Variants in PLEC observed in about 807,000 individuals in gnomAD.
PLEC encodes hemidesmosomal protein 1.
In PLEC, 216 loss-of-function variants were observed where a neutral mutation model predicts 392.8. The ratio of observed to expected loss-of-function variants is 0.55; its 90% CI spans 0.49 to 0.62. The LOEUF is 0.62. PLEC is among the 20% of genes least tolerant of loss of function. PLEC has a pLI of 0.00. For synonymous variants in PLEC, 3,621 were observed against 2,980.6 expected (o/e 1.21, Z -7.00); for missense variants, 6,863 against 6,563.4 (o/e 1.05, Z -1.58).
chr8:143,919,894 A>G lies in PLEC; in HGVS notation c.9927T>C (p.Arg3309=). ...RQERLSFSGL[R]APVPASELLA... ...GGAGCTCGCTGGCTGGCACAGGGGC[A>G]CGGAGGCCGCTGAAGGACAGCCTCT... Residue 3309 remains arginine, a synonymous_variant, in exon 32 of 32, where the codon CGT becomes CGC. Coordinates refer to ENST00000345136, the MANE Select transcript of PLEC (RefSeq NM_201384.3). 6.2e-7 allele frequency: 1 copy of G among 1,613,096 alleles called. No homozygotes were observed. Among genetic ancestry groups the G allele is most frequent in the Non-Finnish European group, 8.5e-7 (1 of 1,179,990 alleles).
Position 143,924,040 on chromosome 8 carries a change from C to A in PLEC, c.5889G>T (p.Glu1963Asp), listed in dbSNP as rs1554695410. 1.3e-6 allele frequency: 2 copies of A among 1,595,654 alleles called. No homozygotes were observed. The highest frequency in any genetic ancestry group is 1.7e-6 in the Non-Finnish European group (2 of 1,178,044). ...SNAEDTLRSK[E>D]QAELEAARQR... Reference sequence around the variant, plus strand: ...GCCTCGCAGCCTCCAGCTCGGCCTGCTCCTTGCTGCGCAGCGTGTCCTCCG... The same window carrying A: ...GCCTCGCAGCCTCCAGCTCGGCCTGATCCTTGCTGCGCAGCGTGTCCTCCG... The change falls in exon 31 of 32, where the codon GAG becomes GAT. Residue 1963 changes from glutamate to aspartate, a missense_variant. Coordinates refer to ENST00000345136, the MANE Select transcript of PLEC (RefSeq NM_201384.3).
chr8:143,936,702 G>A (rs1205027697), intron 5 of PLEC, among the ~76,000 whole-genome samples: 3 of 152,320 alleles, frequency 2.0e-5, no homozygotes, highest in South Asian at 4.1e-4. Context: ...GCAGGCACCG[G>A]GGCCTGCATT....
Position 143,922,338 on chromosome 8 carries a change from A to G in PLEC, c.7483T>C (p.Phe2495Leu). The change falls in exon 32 of 32, where the codon TTC becomes CTC. Residue 2495 changes from phenylalanine (F) to leucine (L), a missense_variant. Transcript: ENST00000345136. ...LQETQALQQS[F>L]LSEKDSLLQR... ...AGCAGGCTGTCCTTTTCAGAGAGGA[A>G]GCTTTGCTGCAGGGCCTGCGTCTCC... 1 of 1,606,230 alleles carries G rather than the reference A, an allele frequency of 6.2e-7. No homozygotes were observed. The highest frequency in any genetic ancestry group is 8.5e-7 in the Non-Finnish European group (1 of 1,179,942).
intron 3 of PLEC, 45 bp from the exon 4 acceptor site, chr8:143,937,287 C>G: frequency 6.8e-7 from 1 of 1,479,178 alleles, no homozygotes; most frequent in Non-Finnish European, 9.4e-7. Context: ...CTGCAGCTCC[C>G]GGGCCCCACC....
rs782078712 is a variant in PLEC at position 143,917,574 on chromosome 8, G to A, written c.12247C>T (p.Pro4083Ser). 6.2e-7 allele frequency: 1 copy of A among 1,613,912 alleles called. No homozygotes were observed. Among genetic ancestry groups the A allele is most frequent in the East Asian group, 2.2e-5 (1 of 44,876 alleles). The change falls in exon 32 of 32, where the codon CCC becomes TCC. Residue 4083 changes from proline (P) to serine (S), a missense_variant. Transcript: ENST00000345136. ...DEEMNEILTD[P>S]SDDTKGFFDP... ...AAGAAGCCCTTGGTGTCGTCCGAGGGGTCGGTCAGGATCTCGTTCATCTCC... is the reference window on the plus strand; with the variant it reads ...AAGAAGCCCTTGGTGTCGTCCGAGGAGTCGGTCAGGATCTCGTTCATCTCC...
Position 143,922,328 on chromosome 8 carries a change from T to C in PLEC, c.7493A>G (p.Glu2498Gly). The C allele has an allele frequency of 6.2e-7, 1 of 1,607,084 alleles. No homozygotes were observed. Among genetic ancestry groups the C allele is most frequent in the Non-Finnish European group, 8.5e-7 (1 of 1,179,956 alleles). ...TQALQQSFLS[E>G]KDSLLQRERF... ...CTCCCGCTGTAGCAGGCTGTCCTTT[T>C]CAGAGAGGAAGCTTTGCTGCAGGGC... The change falls in exon 32 of 32, where the codon GAA becomes GGA. Residue 2498 changes from glutamate (E) to glycine (G), a missense_variant. Transcript: ENST00000345136.
At chr8:143,951,635 A>G (rs1291242869), upstream of PLEC, among the ~76,000 whole-genome samples, 1 of 151,910 alleles carries the variant, frequency 6.6e-6, no homozygotes, top group South Asian at 2.1e-4. Context: ...CCCACCTCCA[A>G]CCCAGCTGTT....
exon 1 of PLEC, chr8:143,950,699 G>C: frequency 6.4e-7 from 1 of 1,563,202 alleles, no homozygotes; most frequent in Non-Finnish European, 8.6e-7. Context: ...GAGCATGCCG[G>C]CCACCATGGC....
At chr8:143,955,610 G>GT (rs1429427775), upstream of PLEC, among the ~76,000 whole-genome samples, 4 of 140,788 alleles carry the variant, frequency 2.8e-5, no homozygotes, top group East Asian at 3.9e-4. Context: ...TTTTTGTTTT[G>GT]TTTTTTTGAG....
In PLEC at chr8:143,932,393, C is replaced by T. The variant is rs184363750; in HGVS notation, c.1977+7G>A. On this transcript the variant is annotated splice_region_variant and intron_variant, in intron 16 of 31. Coordinates refer to ENST00000345136, the MANE Select transcript of PLEC (RefSeq NM_201384.3). Reference sequence around the variant, plus strand: ...GTGGGGTTCAGGGCAGCTGGGCCACCGCTCACCGAGTAGCTCTCCTTCTTG... The same window carrying T: ...GTGGGGTTCAGGGCAGCTGGGCCACTGCTCACCGAGTAGCTCTCCTTCTTG... 301 of 1,612,598 alleles carry T rather than the reference C, an allele frequency of 1.9e-4. No individual in the cohort carries two copies. The highest frequency in any genetic ancestry group is 1.2e-3 in the Admixed American group (74 of 60,020).
At chr8:143,926,352 C>T (rs1235426555) in intron 30 of PLEC, among the ~76,000 whole-genome samples, 2 of 152,132 alleles carry the variant, frequency 1.3e-5, no homozygotes, top group South Asian at 2.1e-4. Context: ...CGAGCCAACT[C>T]GGAAGAGGAT....
intron 20 of PLEC, 30 bp from the exon 21 acceptor site, chr8:143,930,328 G>A (rs1554713563): frequency 1.3e-6 from 2 of 1,591,838 alleles, no homozygotes; most frequent in East Asian, 2.3e-5. Context: ...TGAGGACATG[G>A]CCACACCCTG....
rs1344212753 is a variant in PLEC, at chr8:143,967,526, G to A, written c.70+5877C>T. On this transcript the variant is annotated intron_variant, in intron 1 of 31. Transcript: ENST00000356346. ...GCTGGTGCTGCCCACAGGCAACTTC[G>A]AAGTTTACGCCGAATACAAGTGTCC... Among the ~76,000 whole-genome samples the A allele has an allele frequency of 3.3e-5, 5 of 152,210 alleles. No homozygotes were observed. The South Asian group carries it at 6.2e-4, about 19-fold the overall frequency.
chr8:143,938,314 A>G, intron 2 of PLEC, 74 bp from the exon 3 acceptor site: 1 of 1,537,154 alleles, frequency 6.5e-7, no homozygotes, highest in Admixed American at 1.9e-5. Flanking sequence ...TGATCTACAG[A>G]GTGGGTGCTG....
rs781970983 is a variant in PLEC at position 143,944,672 on chromosome 8, G to A, written c.523+5512C>T. On this transcript the variant is annotated intron_variant, in intron 1 of 31. Coordinates refer to the PLEC transcript ENST00000322810. ...CCGGGCACGATCTTCATCGGGGACG[G>A]TGGCAGGAGCCCACGGGGCAGACGG... 8 of 1,336,850 alleles carry A rather than the reference G, an allele frequency of 6.0e-6. No individual in the cohort carries two copies. Among genetic ancestry groups the A allele is most frequent in the Non-Finnish European group, 7.7e-6 (8 of 1,034,568 alleles). 82.8% of individuals were successfully genotyped at this position (1,336,850 alleles called of 1,614,324 possible). A position where few individuals can be genotyped will look rare whatever the true frequency, so the allele number is the denominator to read the frequency against.
chr8:143,975,923 G>A (rs1036213802), upstream of PLEC, among the ~76,000 whole-genome samples: 2 of 152,096 alleles, frequency 1.3e-5, no homozygotes, highest in African/African-American at 4.8e-5. The surrounding 1 kb of genome is among the most constrained non-coding windows in gnomAD (Gnocchi z 9.9). Context: ...AGGCCATCAA[G>A]GAAAGCTGAC....
chr8:143,971,114 G>A (rs1554744188), intron 1 of PLEC, among the ~76,000 whole-genome samples: 2 of 152,202 alleles, frequency 1.3e-5, no homozygotes, highest in Non-Finnish European at 2.9e-5. Context: ...GAGAGCCAGG[G>A]AATGACGTGT....
chr8:143,938,250 C>A lies in PLEC; in HGVS notation c.175-10G>T. 1 of 1,588,046 alleles carries A rather than the reference C, an allele frequency of 6.3e-7. No individual in the cohort carries two copies. Among genetic ancestry groups the A allele is most frequent in the African/African-American group, 1.3e-5 (1 of 74,356 alleles). ...TGATGTGCCTCTGGGCCTGTGGGGA[C>A]AGCAGCGGCTGAGGTGGCCAGTCCC... On this transcript the variant is annotated splice_polypyrimidine_tract_variant and intron_variant, in intron 2 of 31. Transcript: ENST00000345136.
chr8:143,929,214 A>G lies in PLEC; in HGVS notation c.3149T>C (p.Val1050Ala). The change falls in exon 25 of 32, where the codon GTC becomes GCC. Residue 1050 changes from valine to alanine, a missense_variant. Coordinates refer to ENST00000345136, the MANE Select transcript of PLEC (RefSeq NM_201384.3). ...AGGCGATGGCTCTGGTAGGGCCAAG[A>G]CCTTCTCGGCCTCGGCAGAGAGCCG... is the stretch of plus-strand genomic sequence containing the variant. Reference protein sequence around the residue: ...VARLSAEAEKVLALPEPSPAA... With the variant: ...VARLSAEAEKALALPEPSPAA... The G allele has an allele frequency of 6.2e-7, 1 of 1,602,606 alleles. No homozygotes were observed. The highest frequency in any genetic ancestry group is 8.5e-7 in the Non-Finnish European group (1 of 1,178,318).
Sources: allele counts gnomAD v4.1 joint callset (sites outside exome capture counted in the v4.1 genomes callset), GRCh38; gene constraint gnomAD v4.1.1; non-coding constraint Gnocchi (gnomAD v3.1); transcripts MANE v1.5; gene names NCBI Gene and HGNC (gene_info 2026-07-23, HGNC 2026-07-21).